GAB2: variants seen among roughly 807,000 people sequenced by gnomAD.
The protein encoded by GAB2 is GRB2-associated-binding protein 2.
GAB2 carries 26 observed loss-of-function variants against 65.5 expected under a neutral mutation model. The ratio of observed to expected loss-of-function variants is 0.40; its 90% confidence interval spans 0.29 to 0.55. The LOEUF (loss-of-function observed/expected upper bound fraction) is 0.55. Among genes scored for constraint, GAB2 ranks in the 20% least tolerant of loss-of-function variants. The pLI is 0.53. For synonymous variants in GAB2, 321 were observed against 329.6 expected (o/e 0.97, Z 0.28); for missense variants, 884 against 875.8 (o/e 1.01, Z -0.12).
chr11:78,240,022 G>A (rs1304376842), intron 3 of GAB2, among the ~76,000 whole-genome samples: 1 of 151,870 alleles, frequency 6.6e-6, no homozygotes, highest in Non-Finnish European at 1.5e-5. Flanking sequence ...TTCCCAGGGG[G>A]GTCAAGCAGA....
chr11:78,231,367 G>GTGTGTGTT (rs1477815371), intron 3 of GAB2, among the ~76,000 whole-genome samples: 1 of 151,996 alleles, frequency 6.6e-6, no homozygotes. Flanking sequence ...GTGTGTGTGT[G>GTGTGTGTT]TGTCGGAGTC....
At chr11:78,392,856 C>A (rs12284390) in intron 1 of GAB2, among the ~76,000 whole-genome samples, 24,115 of 152,204 alleles carry the variant, frequency 0.16, 2,568 homozygotes, top group East Asian at 0.41. Context: ...TCTCTGCAGC[C>A]TCTGACACTG....
At chr11:78,243,371 G>C (rs113007262) in intron 3 of GAB2, among the ~76,000 whole-genome samples, 4,560 of 152,272 alleles carry the variant, frequency 0.03, 203 homozygotes, top group African/African-American at 0.1. Context: ...GGGAGGCTGA[G>C]GCATGAGAAT....
intron 1 of GAB2, among the ~76,000 whole-genome samples, chr11:78,344,505 T>A (rs929884483): frequency 6.6e-6 from 1 of 152,254 alleles, no homozygotes; most frequent in Non-Finnish European, 1.5e-5. Context: ...CTTTTAAATA[T>A]TGCAGGCTTA....
At chr11:78,313,118 T>C (rs1855534615) in intron 1 of GAB2, among the ~76,000 whole-genome samples, 1 of 152,214 alleles carries the variant, frequency 6.6e-6, no homozygotes, top group African/African-American at 2.4e-5. Flanking sequence ...AAGGTGTCAC[T>C]TGCTCTGTTC....
intron 1 of GAB2, among the ~76,000 whole-genome samples, chr11:78,399,377 C>G (rs577351698): frequency 6.6e-6 from 1 of 152,200 alleles, no homozygotes. Context: ...TCTGAGCTAA[C>G]CTTTGAAGGG....
rs751115638 is a variant in GAB2, at chr11:78,226,801, C to T, written c.871G>A (p.Asp291Asn). The T allele has an allele frequency of 8.7e-6, 14 of 1,614,130 alleles. No homozygotes were observed. In the South Asian group the frequency reaches 1.2e-4, roughly 14 times the overall value. ...CTGGGCGTCTTGAAGGTGTACACATCCTCATTATCTGTCTCGGAGCCTGTG... is the reference window on the plus strand; with the variant it reads ...CTGGGCGTCTTGAAGGTGTACACATTCTCATTATCTGTCTCGGAGCCTGTG... ...SLTGSETDNEDVYTFKTPSNT... is the reference protein window; with the variant it reads ...SLTGSETDNENVYTFKTPSNT... Residue 291 changes from aspartate (D) to asparagine (N), a missense_variant, in exon 4 of 10, where the codon GAT (aspartate) becomes AAT (asparagine). Asp to Asn is a conservative substitution (Grantham distance 23). Transcript: ENST00000361507.
chr11:78,382,809 T>G (rs1015439533), intron 1 of GAB2, among the ~76,000 whole-genome samples: 2 of 152,222 alleles, frequency 1.3e-5, no homozygotes, highest in Non-Finnish European at 2.9e-5. Flanking sequence ...AAACATTTAT[T>G]TTATTTGTTA....
At chr11:78,363,752 A>G (rs1856463627) in intron 1 of GAB2, among the ~76,000 whole-genome samples, 1 of 151,762 alleles carries the variant, frequency 6.6e-6, no homozygotes, top group African/African-American at 2.4e-5. Context: ...GACCCTGCTA[A>G]TTTTTGTATT....
In GAB2 at chr11:78,342,752, C is replaced by CT. The variant is rs200139659; in HGVS notation, c.76-61852dup. 3.4e-3 allele frequency among the ~76,000 whole-genome samples: 519 copies of CT among 152,076 alleles called. 1 individual carries two copies. Among genetic ancestry groups the CT allele is most frequent in the African/African-American group, 0.012 (496 of 41,486 alleles). On this transcript the variant is annotated intron_variant, in intron 1 of 9. Transcript: ENST00000361507. ...CACAAAAAGACTTGTGTGGTAGCTT[C>CT]TTTTTTTTGTAAATTGGTTTTGAGG...
chr11:78,313,689 C>A (rs1288698336), intron 1 of GAB2, among the ~76,000 whole-genome samples: 1 of 152,208 alleles, frequency 6.6e-6, no homozygotes, highest in Non-Finnish European at 1.5e-5. Context: ...CTCATTACTG[C>A]CATAGTCACT....
chr11:78,358,831 G>T (rs926332604), intron 1 of GAB2, among the ~76,000 whole-genome samples: 22 of 152,136 alleles, frequency 1.4e-4, no homozygotes, highest in Admixed American at 1.4e-3. Context: ...GTTGGAATTA[G>T]AGACAGAATA....
At chr11:78,290,180 A>G (rs1215775094) in intron 1 of GAB2, among the ~76,000 whole-genome samples, 1 of 152,232 alleles carries the variant, frequency 6.6e-6, no homozygotes, top group Non-Finnish European at 1.5e-5. Flanking sequence ...GAAGATGGCA[A>G]TCTAAATTAG....
intron 1 of GAB2, among the ~76,000 whole-genome samples, chr11:78,307,604 T>TAGAGGGAGAGAGAGAGAG (rs372962811): frequency 7.1e-4 from 87 of 121,938 alleles, no homozygotes; most frequent in Admixed American, 1.2e-3. Context: ...CAAAAAATGT[T>TAGAGGGAGAGAGAGAGAG]AGAGAGAGAG....
intron 1 of GAB2, among the ~76,000 whole-genome samples, chr11:78,303,825 T>C (rs1855292477): frequency 6.6e-6 from 1 of 152,176 alleles, no homozygotes; most frequent in African/African-American, 2.4e-5. Context: ...TTCTTACCTC[T>C]CCCGTTGGCA....
intron 1 of GAB2, among the ~76,000 whole-genome samples, chr11:78,381,099 CT>C (rs1856692568): frequency 6.6e-6 from 1 of 152,170 alleles, no homozygotes; most frequent in Admixed American, 6.5e-5. Context: ...CTGAATCTCA[CT>C]ATTTAAGGTT....
intron 1 of GAB2, among the ~76,000 whole-genome samples, chr11:78,357,453 A>G (rs1191807638): frequency 1.3e-5 from 2 of 152,242 alleles, no homozygotes; most frequent in Non-Finnish European, 1.5e-5. Flanking sequence ...ACAGCAAAAG[A>G]CACTACCATC....
chr11:78,292,003 GGTGTGTGTGTGTGT>G (rs71877307), intron 1 of GAB2, among the ~76,000 whole-genome samples: 1 of 147,794 alleles, frequency 6.8e-6, no homozygotes, highest in Non-Finnish European at 1.5e-5. Context: ...GGTGTGTAGG[GGTGTGTGTGTGTGT>G]GTGTGTGTGT....
At chr11:78,385,316 T>C (rs944183046) in intron 1 of GAB2, among the ~76,000 whole-genome samples, 16 of 152,184 alleles carry the variant, frequency 1.1e-4, no homozygotes, top group African/African-American at 3.9e-4. Flanking sequence ...GTCAGGACTG[T>C]GGGAAAATCT....
Sources: gnomAD v4.1 joint callset for allele counts (sites outside exome capture counted in the v4.1 genomes callset) on GRCh38, gnomAD v4.1.1 for gene constraint, MANE v1.5 for transcripts, NCBI Gene and HGNC (gene_info 2026-07-23, HGNC 2026-07-21) for gene names.